ZC3H11A: variants seen among roughly 807,000 people sequenced by gnomAD.
ZC3H11A encodes zinc finger CCCH-type containing 11A, also known as zinc finger CCCH domain-containing protein 11A.
In ZC3H11A, 22 loss-of-function variants were observed where a neutral mutation model predicts 90.8. The ratio of observed to expected loss-of-function variants is 0.24; its 90% CI spans 0.17 to 0.35. The LOEUF is 0.35. Ranked by LOEUF, ZC3H11A falls within the 10% of genes least tolerant of loss-of-function variation. The pLI, the probability that ZC3H11A is intolerant of heterozygous loss-of-function variation, is 1.00. For missense variants in ZC3H11A, 701 were observed against 964.9 expected (o/e 0.73, Z 3.62); for synonymous variants, 294 against 339.8 (o/e 0.87, Z 1.48).
chr1:203,850,966 C>T, intron 16 of ZC3H11A, 91 bp from the exon 17 acceptor site: 1 of 1,447,826 alleles, frequency 6.9e-7, no homozygotes, highest in Non-Finnish European at 9.6e-7. Flanking sequence ...AGAATCATAG[C>T]CACAATTCTA....
intron 2 of ZC3H11A, among the ~76,000 whole-genome samples, chr1:203,815,217 T>TTTTTTTC (rs1675913201): frequency 1.7e-4 from 1 of 5,838 alleles, no homozygotes; most frequent in South Asian, 0.013. Flanking sequence ...TTTTCTTTTC[T>TTTTTTTC]TTTTTTTTTT....
chr1:203,825,394 A>G (rs1162564704), intron 4 of ZC3H11A, among the ~76,000 whole-genome samples: 1 of 151,184 alleles, frequency 6.6e-6, no homozygotes, highest in East Asian at 1.9e-4. Flanking sequence ...AAATGTGAAG[A>G]CATAATTATG....
intron 4 of ZC3H11A, among the ~76,000 whole-genome samples, chr1:203,819,969 G>A (rs549567717): frequency 1.1e-4 from 17 of 150,936 alleles, no homozygotes; most frequent in Non-Finnish European, 1.6e-4. Context: ...GGGCTCAGTG[G>A]CTCACGCCTG....
chr1:203,824,743 G>C (rs902237387), intron 4 of ZC3H11A, among the ~76,000 whole-genome samples: 4 of 152,142 alleles, frequency 2.6e-5, no homozygotes, highest in African/African-American at 9.7e-5. Flanking sequence ...GTGCTTTGTA[G>C]TGTTGCTGAG....
intron 4 of ZC3H11A, among the ~76,000 whole-genome samples, chr1:203,820,234 C>T (rs973974572): frequency 7.5e-6 from 1 of 134,124 alleles, no homozygotes; most frequent in African/African-American, 2.8e-5. Flanking sequence ...GACTCCATCT[C>T]AAGAAAAAAA....
At chr1:203,827,493 A>C (rs1680922458) in intron 4 of ZC3H11A, among the ~76,000 whole-genome samples, 1 of 152,006 alleles carries the variant, frequency 6.6e-6, no homozygotes, top group African/African-American at 2.4e-5. Context: ...ATCCTGGCTA[A>C]CATGGTAAAA....
intron 2 of ZC3H11A, 90 bp from the exon 3 acceptor site, chr1:203,816,836 G>C: frequency 2.3e-6 from 1 of 434,522 alleles, no homozygotes. Context: ...AATAAAATTT[G>C]ACTCTAGCAA....
chr1:203,810,193 C>G (rs1673896665), intron 2 of ZC3H11A, among the ~76,000 whole-genome samples: 1 of 149,488 alleles, frequency 6.7e-6, no homozygotes, highest in Non-Finnish European at 1.5e-5. Flanking sequence ...CCAGGCTGTT[C>G]TTGAACTCCT....
chr1:203,852,388 A>T lies in ZC3H11A; in HGVS notation c.2422A>T (p.Ile808Phe). ...CCTTCTGCTTGAGCTATCAGAAATG[A>T]TTGATAGCTGAAGGTGGTAGTGAGG... ...DDLLLELSEM[I>F]DS Residue 808 changes from isoleucine (I) to phenylalanine (F), a missense_variant, in exon 18 of 18, where the codon ATT (isoleucine) becomes TTT (phenylalanine). Physicochemically the swap from Ile to Phe is conservative, Grantham distance 21 (BLOSUM62 0). Transcript: ENST00000367210. The T allele has an allele frequency of 6.2e-7, 1 of 1,613,744 alleles. No homozygotes were observed. Among genetic ancestry groups the T allele is most frequent in the Non-Finnish European group, 8.5e-7 (1 of 1,179,838 alleles).
chr1:203,847,314 T>C lies in ZC3H11A; in HGVS notation c.1173T>C (p.Ser391=). ...KTEGPSKTDD[S]TSGARSSSTI... ...AAGGACCTTCAAAAACTGATGATTC[T>C]ACTTCAGGAGCAAGAAGCTCCTCCA... The change falls in exon 13 of 18, where the codon TCT becomes TCC. Residue 391 remains serine, a synonymous_variant. Transcript: ENST00000367210. 6.2e-7 allele frequency: 1 copy of C among 1,613,906 alleles called. No homozygotes were observed. Among genetic ancestry groups the C allele is most frequent in the Non-Finnish European group, 8.5e-7 (1 of 1,179,854 alleles).
Position 203,829,732 on chromosome 1 carries a change from T to G in ZC3H11A, c.503-48T>G, listed in dbSNP as rs753816186. 8.1e-6 allele frequency: 13 copies of G among 1,611,872 alleles called. No individual in the cohort carries two copies. In the East Asian group the frequency reaches 2.9e-4, roughly 36 times the overall value. ...AATTGGGCAGAATCAGGATTAAAGCTATAGGCGTATTTTTAATTGTGAATT... is the reference window on the plus strand; with the variant it reads ...AATTGGGCAGAATCAGGATTAAAGCGATAGGCGTATTTTTAATTGTGAATT... On this transcript the variant is annotated intron_variant, in intron 6 of 17. Transcript: ENST00000367210.
chr1:203,849,677 A>G (rs1688800307), intron 14 of ZC3H11A, 34 bp from the exon 15 acceptor site: 2 of 1,604,090 alleles, frequency 1.2e-6, no homozygotes, highest in Non-Finnish European at 1.7e-6. Context: ...TAGAGGTACC[A>G]GATTTTAATT....
At chr1:203,851,992 AAAAG>A (rs1689423388) in intron 17 of ZC3H11A, 145 bp from the exon 18 acceptor site, 36 of 695,262 alleles carry the variant, frequency 5.2e-5, no homozygotes, top group Admixed American at 2.4e-4. Flanking sequence ...AAAAAAAAAA[AAAAG>A]CTTGATCCCA....
At position 203,845,080 on chromosome 1, in the gene ZC3H11A, TTGAC is replaced by T. The variant is rs1213892098; in HGVS notation, c.1043-2101_1043-2098del. ...GTTAACCCAAGTTTGACAGTTTCCT[TTGAC>T]TGTATTGGGAGGAACAGAACTCACG... On this transcript the variant is annotated intron_variant, in intron 12 of 17. Coordinates refer to ENST00000367210, the MANE Select transcript of ZC3H11A (RefSeq NM_001376342.1). Among the ~76,000 whole-genome samples the T allele has an allele frequency of 3.9e-5, 6 of 152,270 alleles. 1 individual carries two copies. Among genetic ancestry groups the T allele is most frequent in the Non-Finnish European group, 8.8e-5 (6 of 68,018 alleles).
At position 203,833,341 on chromosome 1, in the gene ZC3H11A, G is replaced by A. The variant is rs1683039326; in HGVS notation, c.812-450G>A. On this transcript the variant is annotated intron_variant, in intron 9 of 17. Transcript: ENST00000367210. ...GATCGGGCCACTGCACTCTAGCCTG[G>A]GCGACAGAGTGAGACTCTGTCTCAA... 2.0e-5 allele frequency among the ~76,000 whole-genome samples: 3 copies of A among 147,344 alleles called. No individual in the cohort carries two copies. In the South Asian group the frequency reaches 6.6e-4, roughly 32 times the overall value.
rs902490697 is a variant in ZC3H11A at position 203,802,795 on chromosome 1, G to T, written c.-367G>T. The T allele has an allele frequency of 6.6e-6, 1 of 151,138 alleles. No homozygotes were observed. 9.4% of individuals were successfully genotyped at this position (151,138 alleles called of 1,614,324 possible). ...CCCTAGCTGTCTCCAGTCTGACAAA[G>T]GTTATTTGAATGGACTTAATCTCCC... On this transcript the variant is annotated 5_prime_UTR_variant, in exon 2 of 18. It adds an upstream start codon to the 5' untranslated region. Transcript: ENST00000367210.
intron 4 of ZC3H11A, among the ~76,000 whole-genome samples, chr1:203,821,798 C>G (rs1328256237): frequency 6.6e-6 from 1 of 151,370 alleles, no homozygotes; most frequent in Non-Finnish European, 1.5e-5. Context: ...TGCTCTATCA[C>G]CCAGGCTGGA....
In ZC3H11A at chr1:203,834,817, A is replaced by G. The variant is rs368802956; in HGVS notation, c.874+964A>G. 1.7e-4 allele frequency among the ~76,000 whole-genome samples: 26 copies of G among 151,566 alleles called. 1 individual carries two copies. The South Asian group carries it at 5.2e-3, about 30-fold the overall frequency. ...GGCACTACCCCTGGCTAATTTTTGTATTTTTAGTAGAGATGGGGTTTCCAC... is the reference window on the plus strand; with the variant it reads ...GGCACTACCCCTGGCTAATTTTTGTGTTTTTAGTAGAGATGGGGTTTCCAC... On this transcript the variant is annotated intron_variant, in intron 10 of 17. Transcript: ENST00000367210.
At chr1:203,803,406 G>T (rs542045038) in intron 2 of ZC3H11A, among the ~76,000 whole-genome samples, 14 of 152,208 alleles carry the variant, frequency 9.2e-5, no homozygotes, top group African/African-American at 3.4e-4. Context: ...GGCCAGGCTG[G>T]TCTGGAATTC....
Sources: allele counts gnomAD v4.1 joint callset (sites outside exome capture counted in the v4.1 genomes callset), GRCh38; gene constraint gnomAD v4.1.1; transcripts MANE v1.5; gene names NCBI Gene and HGNC (gene_info 2026-07-23, HGNC 2026-07-21).